Variants in NUSAP1 observed in about 807,000 individuals in gnomAD.
NUSAP1 encodes the protein nucleolar and spindle associated protein 1, also known as nucleolar and spindle-associated protein 1.
A neutral mutation model predicts 52.8 loss-of-function variants in NUSAP1; 32 were observed. The observed-to-expected ratio is 0.61, with a 90% CI of 0.46 to 0.81. The LOEUF is 0.81. NUSAP1 is among the 40% of genes least tolerant of loss of function. The probability of loss-of-function intolerance (pLI) is 0.00; values close to 1 mark genes in which losing one functional copy is unlikely to be tolerated. For synonymous variants in NUSAP1, 195 were observed against 183.1 expected (o/e 1.06, Z -0.52); for missense variants, 499 against 522.3 (o/e 0.96, Z 0.43).
At chr15:41,368,488 A>G (rs1406616478) in intron 7 of NUSAP1, among the ~76,000 whole-genome samples, 1 of 152,182 alleles carries the variant, frequency 6.6e-6, no homozygotes, top group African/African-American at 2.4e-5. Flanking sequence ...TGGGAACTAC[A>G]GTATCATCAC....
At chr15:41,370,958 T>G (rs972574020) in intron 7 of NUSAP1, among the ~76,000 whole-genome samples, 2 of 152,132 alleles carry the variant, frequency 1.3e-5, no homozygotes, top group Non-Finnish European at 2.9e-5. Context: ...TGACATCTTA[T>G]GAATTGTAAA....
intron 7 of NUSAP1, among the ~76,000 whole-genome samples, chr15:41,370,446 T>A (rs2049622885): frequency 6.8e-6 from 1 of 147,472 alleles, no homozygotes; most frequent in African/African-American, 2.5e-5. Context: ...CAAAACCCCA[T>A]CTCTACTAAA....
At chr15:41,335,479 T>C (rs1040852775) in intron 1 of NUSAP1, among the ~76,000 whole-genome samples, 2 of 136,954 alleles carry the variant, frequency 1.5e-5, no homozygotes, top group East Asian at 4.1e-4. Flanking sequence ...TATTTAGTAT[T>C]TAGTGTGTAT....
At chr15:41,366,566 GC>G (rs2049425063) in intron 7 of NUSAP1, among the ~76,000 whole-genome samples, 1 of 152,176 alleles carries the variant, frequency 6.6e-6, no homozygotes, top group Non-Finnish European at 1.5e-5. Flanking sequence ...ACAGGCATGA[GC>G]CACCGCGCCT....
intron 1 of NUSAP1, 116 bp from the exon 2 acceptor site, chr15:41,342,270 C>CT: frequency 1.4e-6 from 1 of 691,082 alleles, no homozygotes; most frequent in Non-Finnish European, 2.5e-6. Flanking sequence ...AGTAATGGTT[C>CT]TAGTCCTATG....
intron 4 of NUSAP1, among the ~76,000 whole-genome samples, chr15:41,352,652 G>A (rs1401378056): frequency 2.6e-5 from 4 of 151,820 alleles, no homozygotes; most frequent in Non-Finnish European, 4.4e-5. Context: ...ACAGTGGCAC[G>A]ATCTCAGCTC....
Position 41,375,748 on chromosome 15 carries a change from A to C in NUSAP1, c.1043A>C (p.Gln348Pro). 6.2e-7 allele frequency: 1 copy of C among 1,613,886 alleles called. No homozygotes were observed. The highest frequency in any genetic ancestry group is 8.5e-7 in the Non-Finnish European group (1 of 1,179,788). ...TPFKLTTEAT[Q>P]TPVSNKKPVF... ...TTCAAGTTGACAACTGAGGCAACGC[A>C]GACTCCAGTCTCCAATAAGAAACCA... The change falls in exon 9 of 11, where the codon CAG becomes CCG. Residue 348 changes from glutamine to proline, a missense_variant. Physicochemically the swap from Gln to Pro is moderately conservative, Grantham distance 76. Coordinates refer to ENST00000559596, the MANE Select transcript of NUSAP1 (RefSeq NM_016359.5).
intron 2 of NUSAP1, 127 bp from the exon 3 acceptor site, chr15:41,348,971 C>A: frequency 1.1e-6 from 1 of 879,648 alleles, no homozygotes; most frequent in Non-Finnish European, 1.7e-6. Flanking sequence ...TACAATTTAC[C>A]GCTAGAGAGT....
intron 2 of NUSAP1, chr15:41,344,229 AAAAG>A (rs2048473170): frequency 6.6e-6 from 1 of 151,912 alleles, no homozygotes; most frequent in African/African-American, 2.4e-5. Context: ...AAAAAAAAAA[AAAAG>A]AAACAACAAC....
At chr15:41,373,560 C>T (rs1595602716) in intron 8 of NUSAP1, among the ~76,000 whole-genome samples, 1 of 151,026 alleles carries the variant, frequency 6.6e-6, no homozygotes, top group Non-Finnish European at 1.5e-5. Flanking sequence ...CGCCATTCTC[C>T]TGCCTCAGCC....
intron 2 of NUSAP1, among the ~76,000 whole-genome samples, chr15:41,346,189 C>T (rs960935138): frequency 6.6e-6 from 1 of 152,098 alleles, no homozygotes; most frequent in African/African-American, 2.4e-5. Flanking sequence ...GATGTGCCCA[C>T]CTTGGCCTCC....
At chr15:41,347,689 C>T (rs1207817417) in intron 2 of NUSAP1, among the ~76,000 whole-genome samples, 1 of 151,888 alleles carries the variant, frequency 6.6e-6, no homozygotes, top group Non-Finnish European at 1.5e-5. Flanking sequence ...TGGCGGGCGC[C>T]TGTAGTCCCA....
At chr15:41,350,554 TCTAA>T (rs1486624153) in intron 3 of NUSAP1, among the ~76,000 whole-genome samples, 4 of 152,184 alleles carry the variant, frequency 2.6e-5, no homozygotes, top group Admixed American at 2.0e-4. Flanking sequence ...AGCGTTATCT[TCTAA>T]CTGTCTTCAA....
intron 1 of NUSAP1, among the ~76,000 whole-genome samples, chr15:41,333,748 C>G (rs1292383702): frequency 6.6e-6 from 1 of 152,146 alleles, no homozygotes; most frequent in Admixed American, 6.6e-5. Context: ...AAAAATTAGC[C>G]GGGCGTGGTG....
chr15:41,356,173 T>TAAA (rs1181784134), intron 5 of NUSAP1, 33 bp downstream of exon 5: 2 of 1,226,938 alleles, frequency 1.6e-6, no homozygotes, highest in Non-Finnish European at 2.4e-6. Flanking sequence ...TAATAAGTAA[T>TAAA]GGTTGCCCCA....
intron 1 of NUSAP1, among the ~76,000 whole-genome samples, chr15:41,339,786 T>G (rs1426693210): frequency 6.6e-6 from 1 of 152,048 alleles, no homozygotes; most frequent in African/African-American, 2.4e-5. Flanking sequence ...TTTTCTATTT[T>G]TTTATTTTTT....
At chr15:41,363,291 A>C (rs1221619486) in intron 6 of NUSAP1, among the ~76,000 whole-genome samples, 3 of 150,938 alleles carry the variant, frequency 2.0e-5, no homozygotes, top group Non-Finnish European at 4.4e-5. Context: ...ATCTAAAAAA[A>C]AAAAAAAAAA....
At chr15:41,349,766 CT>C (rs1181209511) in intron 3 of NUSAP1, among the ~76,000 whole-genome samples, 326 of 123,532 alleles carry the variant, frequency 2.6e-3, no homozygotes, top group African/African-American at 5.9e-3. Context: ...TTTTTCTTTT[CT>C]TTTTTTTTTT....
Position 41,375,747 on chromosome 15 carries a change from C to T in NUSAP1, c.1042C>T (p.Gln348Ter). The part of the protein sequence containing the change: ...TPFKLTTEAT[Q>*]TPVSNKKPVF... ...ATTCAAGTTGACAACTGAGGCAACG[C>T]AGACTCCAGTCTCCAATAAGAAACC... is the stretch of plus-strand genomic sequence containing the variant. The change falls in exon 9 of 11, where the codon CAG becomes TAG. Residue 348 changes from glutamine (Q) to a stop codon, truncating the protein, a stop_gained. Coordinates refer to ENST00000559596, the MANE Select transcript of NUSAP1 (RefSeq NM_016359.5). LOFTEE classifies it high-confidence loss of function. 6.2e-7 allele frequency: 1 copy of T among 1,613,700 alleles called. No homozygotes were observed. Among genetic ancestry groups the T allele is most frequent in the Non-Finnish European group, 8.5e-7 (1 of 1,179,640 alleles).
Sources: allele counts gnomAD v4.1 joint callset (sites outside exome capture counted in the v4.1 genomes callset), GRCh38; gene constraint gnomAD v4.1.1; transcripts MANE v1.5; gene names NCBI Gene and HGNC (gene_info 2026-07-23, HGNC 2026-07-21).